FBXL7: variants seen among roughly 807,000 people sequenced by gnomAD.
FBXL7 encodes the protein F-box/LRR-repeat protein 7.
FBXL7 carries 12 observed loss-of-function variants against 38.3 expected under a neutral mutation model. That is an observed-to-expected ratio of 0.31 (90% confidence interval 0.20 to 0.51). The LOEUF is 0.51. Ranked by LOEUF, FBXL7 falls within the 20% of genes least tolerant of loss-of-function variation. The probability of loss-of-function intolerance (pLI) is 0.98; values close to 1 mark genes in which losing one functional copy is unlikely to be tolerated. For synonymous variants in FBXL7, 297 were observed against 300.9 expected (o/e 0.99, Z 0.13); for missense variants, 567 against 676.4 (o/e 0.84, Z 1.79).
chr5:15,776,617 A>C (rs774771567), intron 2 of FBXL7, among the ~76,000 whole-genome samples: 1 of 152,132 alleles, frequency 6.6e-6, no homozygotes, highest in African/African-American at 2.4e-5. Context: ...CTGGGGCTCA[A>C]CATATGTGAT....
intron 2 of FBXL7, among the ~76,000 whole-genome samples, chr5:15,643,752 T>C (rs1219273611): frequency 3.9e-5 from 6 of 152,204 alleles, no homozygotes; most frequent in Non-Finnish European, 8.8e-5. Context: ...GCCGTGCAGC[T>C]AATGGAAAGT....
rs1181372305 is a variant in FBXL7, at chr5:15,523,576, A to C, written c.37+22863A>C. Among the ~76,000 whole-genome samples the C allele has an allele frequency of 2.6e-5, 4 of 151,164 alleles. No homozygotes were observed. In the East Asian group the frequency reaches 7.7e-4, roughly 29 times the overall value. ...TCTGTCTCAAAAAAAAAAAAAAATCACATAGTAGCTTGGAGGTGAGCAGTC... is the reference window on the plus strand; with the variant it reads ...TCTGTCTCAAAAAAAAAAAAAAATCCCATAGTAGCTTGGAGGTGAGCAGTC... On this transcript the variant is annotated intron_variant, in intron 1 of 3. Transcript: ENST00000504595.
intron 2 of FBXL7, among the ~76,000 whole-genome samples, chr5:15,857,916 A>G (rs17609575): frequency 0.016 from 2,402 of 152,268 alleles, 29 homozygotes; most frequent in Middle Eastern, 0.037. Flanking sequence ...TTGAATGTGT[A>G]TGTTTGTCAT....
rs755545684 is a variant in FBXL7 at position 15,928,284 on chromosome 5, C to T, written c.522C>T (p.Thr174=). 1.9e-6 allele frequency: 3 copies of T among 1,613,080 alleles called. No individual in the cohort carries two copies. The highest frequency in any genetic ancestry group is 1.1e-5 in the South Asian group (1 of 90,880). ...INVDRALKVL[T]RRLCQDTPNV... is the part of the protein sequence containing the mutation. Reference sequence around the variant, plus strand: ...TGGACCGCGCCCTCAAGGTGCTGACCCGCAGACTCTGCCAGGACACCCCCA... The same window carrying T: ...TGGACCGCGCCCTCAAGGTGCTGACTCGCAGACTCTGCCAGGACACCCCCA... Residue 174 remains threonine, a synonymous_variant, in exon 3 of 4, where the codon ACC becomes ACT. Coordinates refer to ENST00000504595, the MANE Select transcript of FBXL7 (RefSeq NM_012304.5). This position sits in a 1 kb window ranked among gnomAD's most constrained non-coding sequence, Gnocchi z 4.0.
chr5:15,884,359 C>T (rs1458432573), intron 2 of FBXL7, among the ~76,000 whole-genome samples: 2 of 151,940 alleles, frequency 1.3e-5, no homozygotes, highest in South Asian at 2.1e-4. Flanking sequence ...CTCCACCTCC[C>T]GGGTTCACAC....
chr5:15,883,578 T>C (rs1045584766), intron 2 of FBXL7, among the ~76,000 whole-genome samples: 3 of 152,180 alleles, frequency 2.0e-5, no homozygotes, highest in Non-Finnish European at 4.4e-5. Flanking sequence ...TATGCGTCAT[T>C]TTTGTTGGAA....
At chr5:15,729,384 C>T (rs186223467) in intron 2 of FBXL7, among the ~76,000 whole-genome samples, 3 of 152,198 alleles carry the variant, frequency 2.0e-5, no homozygotes, top group Admixed American at 2.0e-4. Context: ...ATTTCTATTT[C>T]CCAGAGGCCT....
chr5:15,888,623 C>T (rs983799903), intron 2 of FBXL7, among the ~76,000 whole-genome samples: 1 of 152,052 alleles, frequency 6.6e-6, no homozygotes, highest in African/African-American at 2.4e-5. Context: ...GTGAGTACTT[C>T]AGTAGACCAT....
At chr5:15,810,561 C>CAAA (rs35254262) in intron 2 of FBXL7, among the ~76,000 whole-genome samples, 1 of 135,706 alleles carries the variant, frequency 7.4e-6, no homozygotes. Flanking sequence ...AACTCCGTCT[C>CAAA]AAAAAAAAAA....
chr5:15,619,993 A>G (rs1472408532), intron 2 of FBXL7, among the ~76,000 whole-genome samples: 5 of 152,312 alleles, frequency 3.3e-5, no homozygotes, highest in Admixed American at 2.6e-4. Flanking sequence ...GGGCCCTCAC[A>G]TAACCTGGAC....
At chr5:15,538,398 A>G (rs192519898) in intron 1 of FBXL7, among the ~76,000 whole-genome samples, 13 of 152,336 alleles carry the variant, frequency 8.5e-5, no homozygotes, top group African/African-American at 2.2e-4. Context: ...TTGCTTTTCA[A>G]TGGTTCGTTA....
At chr5:15,677,588 T>G (rs1372867309) in intron 2 of FBXL7, among the ~76,000 whole-genome samples, 2 of 152,016 alleles carry the variant, frequency 1.3e-5, no homozygotes, top group African/African-American at 2.4e-5. Context: ...GGAGAGAAAC[T>G]GAACATGTCA....
At chr5:15,525,144 G>A (rs1235340604) in intron 1 of FBXL7, among the ~76,000 whole-genome samples, 1 of 152,150 alleles carries the variant, frequency 6.6e-6, no homozygotes, top group Admixed American at 6.5e-5. Flanking sequence ...ATAGGGCAAT[G>A]GTGAGATTTT....
rs556579684 is a variant in FBXL7 at position 15,885,314 on chromosome 5, C to T, written c.128-42576C>T. 3.3e-4 allele frequency among the ~76,000 whole-genome samples: 50 copies of T among 152,156 alleles called. No homozygotes were observed. The South Asian group carries it at 0.01, about 31-fold the overall frequency. On this transcript the variant is annotated intron_variant, in intron 2 of 3. Transcript: ENST00000504595. ...TCATCAGAGTGAGCAAGTGAGAGGG[C>T]GAGAGAGAGGATGAAACCAAGAAGG...
At chr5:15,871,267 G>A (rs920561448) in intron 2 of FBXL7, among the ~76,000 whole-genome samples, 2 of 152,140 alleles carry the variant, frequency 1.3e-5, no homozygotes, top group Non-Finnish European at 2.9e-5. Flanking sequence ...TCAACAAAAA[G>A]GATGACAATG....
At chr5:15,515,952 A>G (rs1736924284) in intron 1 of FBXL7, among the ~76,000 whole-genome samples, 1 of 152,228 alleles carries the variant, frequency 6.6e-6, no homozygotes, top group East Asian at 1.9e-4. Flanking sequence ...ACAGATGATT[A>G]GCTTATTATT....
At chr5:15,600,678 C>A (rs1561045671) in intron 1 of FBXL7, among the ~76,000 whole-genome samples, 1 of 152,124 alleles carries the variant, frequency 6.6e-6, no homozygotes, top group Non-Finnish European at 1.5e-5. Flanking sequence ...TAAGATCTTA[C>A]ATATATAATC....
chr5:15,933,461 T>C (rs1351550797), intron 3 of FBXL7, among the ~76,000 whole-genome samples: 1 of 152,160 alleles, frequency 6.6e-6, no homozygotes, highest in Non-Finnish European at 1.5e-5. Context: ...GCGTCACAGA[T>C]GGCCAATCAC....
At chr5:15,679,635 AGTT>A (rs1742783080) in intron 2 of FBXL7, among the ~76,000 whole-genome samples, 1 of 150,438 alleles carries the variant, frequency 6.6e-6, no homozygotes, top group Non-Finnish European at 1.5e-5. Flanking sequence ...TGTTGACTAA[AGTT>A]GTGGAAAATT....
Sources: gnomAD v4.1 joint callset for allele counts (sites outside exome capture counted in the v4.1 genomes callset) on GRCh38, gnomAD v4.1.1 for gene constraint, Gnocchi (gnomAD v3.1) non-coding constraint, MANE v1.5 for transcripts, NCBI Gene and HGNC (gene_info 2026-07-23, HGNC 2026-07-21) for gene names.